The following MAMSTR variants were observed in gnomAD, a reference collection of about 807,000 sequenced individuals.
MAMSTR encodes MEF2-activating motif and SAP domain-containing transcriptional regulator.
In MAMSTR, 41 loss-of-function variants were observed where a neutral mutation model predicts 42.7. The observed-to-expected ratio is 0.96, with a 90% CI of 0.75 to 1.25. MAMSTR has a LOEUF of 1.25. Among genes scored for constraint, MAMSTR ranks in the 50% most tolerant of loss-of-function variants. MAMSTR has a pLI of 0.00. For missense variants in MAMSTR, 567 were observed against 557.6 expected, an observed-to-expected ratio of 1.02 and a Z score of -0.17; for synonymous variants, 265 against 244.1, an observed-to-expected ratio of 1.09 and a Z score of -0.80.
chr19:48,706,401 G>A, the MAMSTR span, among the ~76,000 whole-genome samples: 1 of 151,962 alleles, frequency 6.6e-6, no homozygotes, highest in African/African-American at 2.4e-5. Flanking sequence ...ACTTTGGGAA[G>A]CTGAGGCAGA....
intron 2 of MAMSTR, 28 bp downstream of exon 2, chr19:48,718,946 C>T (rs1361153203): frequency 1.0e-5 from 16 of 1,542,186 alleles, no homozygotes; most frequent in Non-Finnish European, 1.3e-5. Flanking sequence ...GATCCCATCC[C>T]CCACGCATAA....
rs761331669 is a variant in MAMSTR, at chr19:48,715,676, C to T, written c.189G>A (p.Gly63=). The change falls in exon 4 of 10, where the codon GGG becomes GGA. Residue 63 remains glycine (G), a synonymous_variant. Transcript: ENST00000318083. ...AATATTCTGGCTCGGGGAGCAGGAC[C>T]CCAGGGCTGAAGAGGAAAGGGGCCG... is the stretch of plus-strand genomic sequence containing the variant. ...SGTAPFLFSP[G]VLLPEPEYCP... 5 of 1,542,710 alleles carry T rather than the reference C, an allele frequency of 3.2e-6. No individual in the cohort carries two copies. The highest frequency in any genetic ancestry group is 4.4e-6 in the Non-Finnish European group (5 of 1,144,828).
intron 7 of MAMSTR, 88 bp downstream of exon 7, chr19:48,714,278 C>A: frequency 8.6e-7 from 1 of 1,157,216 alleles, no homozygotes; most frequent in Non-Finnish European, 1.1e-6. Flanking sequence ...CTCGCCCCCA[C>A]ACTTCATTGG....
rs1464062748 is a variant in MAMSTR, at chr19:48,714,440, C to A, written c.649G>T (p.Glu217Ter). The A allele has an allele frequency of 5.9e-6, 8 of 1,367,204 alleles. No homozygotes were observed. Among genetic ancestry groups the A allele is most frequent in the Non-Finnish European group, 7.5e-6 (8 of 1,071,802 alleles). The allele number at this position is 1,367,204 out of a possible 1,614,324, so 84.7% of individuals were successfully genotyped here. A position where few individuals can be genotyped will look rare whatever the true frequency, so the allele number is the denominator to read the frequency against. Residue 217 changes from glutamate (E) to a stop codon, truncating the protein, a stop_gained, in exon 7 of 10, where the codon GAG (glutamate) becomes TAG (stop). Coordinates refer to ENST00000318083, the MANE Select transcript of MAMSTR (RefSeq NM_001130915.2). LOFTEE classifies it high-confidence loss of function. ...PPRERPKPRR[E>*]DSPAGAPWPR... ...CAGGGAGCACCCGCGGGACTGTCCT[C>A]GCGCCGCGGCTTCGGCCGCTCGCGG...
At chr19:48,716,066 G>T in intron 3 of MAMSTR, 1 of 818,580 alleles carries the variant, frequency 1.2e-6, no homozygotes, top group Middle Eastern at 4.4e-4. Context: ...GGTTCTTGGG[G>T]AGAGGGAGAG....
rs754472029 is a variant in MAMSTR, at chr19:48,714,053, A to C, written c.724-8T>G. The C allele has an allele frequency of 1.3e-6, 2 of 1,567,478 alleles. No individual in the cohort carries two copies. Among genetic ancestry groups the C allele is most frequent in the Non-Finnish European group, 1.7e-6 (2 of 1,157,324 alleles). On this transcript the variant is annotated splice_region_variant and splice_polypyrimidine_tract_variant and intron_variant, in intron 7 of 9. Coordinates refer to ENST00000318083, the MANE Select transcript of MAMSTR (RefSeq NM_001130915.2). ...TGCTGCGCTGGGCTTGACCTAGAGC[A>C]GCCAAGAGGGCGAGCGCCCATAAGC...
chr19:48,714,987 G>C lies in MAMSTR; in HGVS notation c.426-79C>G. On this transcript the variant is annotated intron_variant, in intron 5 of 9. Transcript: ENST00000318083. ...GCGTTCTGGGGTCCTCAAAGACGGG[G>C]AGCTGGGGAAGATGCAGAAAAGTGA... The C allele has an allele frequency of 4.2e-6, 4 of 950,414 alleles. 1 individual carries two copies. In the South Asian group the frequency reaches 6.3e-5, roughly 15 times the overall value. The allele number at this position is 950,414 out of a possible 1,614,324, so 58.9% of individuals were successfully genotyped here. A position where few individuals can be genotyped will look rare whatever the true frequency, so the allele number is the denominator to read the frequency against.
At chr19:48,714,729 G>A (rs1285004079) in intron 6 of MAMSTR, 77 bp downstream of exon 6, 2 of 1,344,428 alleles carry the variant, frequency 1.5e-6, no homozygotes, top group Non-Finnish European at 2.1e-6. Context: ...TTTCCAGAGG[G>A]CAGAGGCTGC....
Position 48,715,622 on chromosome 19 carries a change from C to T in MAMSTR, c.240+3G>A. On this transcript the variant is annotated splice_donor_region_variant and intron_variant, in intron 4 of 9. Coordinates refer to ENST00000318083, the MANE Select transcript of MAMSTR (RefSeq NM_001130915.2). Reference sequence around the variant, plus strand: ...GGGACCTCTCCCTCCAGTCGAGACTCACCTTCTTTGGGGACCTCCAAGGAG... The same window carrying T: ...GGGACCTCTCCCTCCAGTCGAGACTTACCTTCTTTGGGGACCTCCAAGGAG... 1 of 1,535,110 alleles carries T rather than the reference C, an allele frequency of 6.5e-7. No individual in the cohort carries two copies. The highest frequency in any genetic ancestry group is 1.2e-5 in the South Asian group (1 of 81,778).
chr19:48,719,305 AC>A lies in MAMSTR; in HGVS notation c.-21-254del, dbSNP rs2033167065. 6.6e-6 allele frequency among the ~76,000 whole-genome samples: 1 copy of A among 152,026 alleles called. No individual in the cohort carries two copies. The highest frequency in any genetic ancestry group is 2.4e-5 in the African/African-American group (1 of 41,396). Reference sequence around the variant, plus strand: ...CTGAAAGACAGGGCTGAGGGTCTCAACCCTGGGATCCTGGGAGGGGAGGGAC... The same window carrying A: ...CTGAAAGACAGGGCTGAGGGTCTCAACCTGGGATCCTGGGAGGGGAGGGAC... On this transcript the variant is annotated intron_variant, in intron 1 of 9. Transcript: ENST00000318083. This position sits in a 1 kb window ranked among gnomAD's most constrained non-coding sequence, Gnocchi z 4.4.
chr19:48,709,520 C>A (rs1403284109), downstream of MAMSTR, among the ~76,000 whole-genome samples: 1 of 152,204 alleles, frequency 6.6e-6, no homozygotes, highest in African/African-American at 2.4e-5. Context: ...ATTCCTCTTG[C>A]CAGTTCTGTG....
At chr19:48,711,101 C>G (rs757897339), downstream of MAMSTR, among the ~76,000 whole-genome samples, 4 of 152,118 alleles carry the variant, frequency 2.6e-5, no homozygotes, top group Non-Finnish European at 4.4e-5. Flanking sequence ...TGTATAGTGC[C>G]CTCCCGTATT....
intron 4 of MAMSTR, 38 bp from the exon 5 acceptor site, chr19:48,715,484 G>T (rs1031249203): frequency 1.4e-6 from 2 of 1,466,986 alleles, no homozygotes; most frequent in African/African-American, 2.9e-5. Context: ...CTTCAGCGCG[G>T]CTCCCACCTT....
intron 2 of MAMSTR, among the ~76,000 whole-genome samples, 166 bp downstream of exon 2, chr19:48,718,808 G>A (rs112642599): frequency 0.015 from 2,309 of 151,966 alleles, 55 homozygotes; most frequent in African/African-American, 0.052. Context: ...TTGCACACTC[G>A]TTGATCCACC....
At chr19:48,718,465 G>A (rs1477176350) in intron 2 of MAMSTR, among the ~76,000 whole-genome samples, 3 of 135,508 alleles carry the variant, frequency 2.2e-5, no homozygotes, top group Non-Finnish European at 4.6e-5. Context: ...TCGGCTCACC[G>A]CAACCTCCTC....
intron 2 of MAMSTR, 108 bp downstream of exon 2, chr19:48,718,866 T>C: frequency 1.8e-6 from 2 of 1,136,366 alleles, no homozygotes; most frequent in Non-Finnish European, 2.6e-6. Context: ...CATGACCTTT[T>C]GCACAAAAAA....
chr19:48,714,390 C>G lies in MAMSTR; in HGVS notation c.699G>C (p.Leu233=), dbSNP rs749162357. ...CCGAGCCCTGACGCCGGGCGGCTGC[C>G]AGGGCCTTGGGCTTGAGGCGCGGCC... ...APWPRLKPKA[L]AAARRQGSVK... The change falls in exon 7 of 10, where the codon CTG becomes CTC. Residue 233 remains leucine (L), a synonymous_variant. Coordinates refer to ENST00000318083, the MANE Select transcript of MAMSTR (RefSeq NM_001130915.2). 1.1e-5 allele frequency: 15 copies of G among 1,374,524 alleles called. No individual in the cohort carries two copies. The Admixed American group carries it at 3.9e-4, about 36-fold the overall frequency. The allele number at this position is 1,374,524 out of a possible 1,614,324, so 85.1% of individuals were successfully genotyped here.
chr19:48,715,499 C>A, intron 4 of MAMSTR, 53 bp from the exon 5 acceptor site: 1 of 1,464,352 alleles, frequency 6.8e-7, no homozygotes, highest in Middle Eastern at 1.8e-4. Context: ...CACCTTCCGG[C>A]CCCAGGACTA....
In MAMSTR at chr19:48,713,323, C is replaced by T. The variant is rs1568466259; in HGVS notation, c.1192G>A (p.Asp398Asn). The T allele has an allele frequency of 6.2e-7, 1 of 1,607,612 alleles. No individual in the cohort carries two copies. The highest frequency in any genetic ancestry group is 1.7e-5 in the Admixed American group (1 of 57,148). The change falls in exon 10 of 10, where the codon GAC becomes AAC. Residue 398 changes from aspartate to asparagine, a missense_variant. Coordinates refer to ENST00000318083, the MANE Select transcript of MAMSTR (RefSeq NM_001130915.2). ...CGGCTGCTGCTGGAGTCAGATAAGT[C>T]AGCGGAGAAGATGCTGGGGGGTGGG... ...GPPPPSIFSA[D>N]LSDSSSSRLW...
Sources: gnomAD v4.1 joint callset for allele counts (sites outside exome capture counted in the v4.1 genomes callset) on GRCh38, gnomAD v4.1.1 for gene constraint, Gnocchi (gnomAD v3.1) non-coding constraint, MANE v1.5 for transcripts, NCBI Gene and HGNC (gene_info 2026-07-23, HGNC 2026-07-21) for gene names.